Variants in DNAH11 observed in about 807,000 individuals in gnomAD.
The protein encoded by DNAH11 is dynein axonemal heavy chain 11, also known as axonemal beta dynein heavy chain 11.
DNAH11 carries 442 observed loss-of-function variants against 526.0 expected under a neutral mutation model. That is an observed-to-expected ratio of 0.84 (90% CI 0.78 to 0.91). The LOEUF is 0.91. Ranked by LOEUF, DNAH11 falls within the 40% of genes least tolerant of loss-of-function variation. DNAH11 has a pLI of 0.00. For synonymous variants in DNAH11, 2,461 were observed against 1,935.9 expected (o/e 1.27, Z -7.12); for missense variants, 6,989 against 5,448.7 (o/e 1.28, Z -8.90).
intron 35 of DNAH11, among the ~76,000 whole-genome samples, chr7:21,697,165 T>A (rs1018159017): frequency 2.0e-5 from 3 of 152,194 alleles, no homozygotes; most frequent in Admixed American, 2.0e-4. Context: ...TTAAGAAGTC[T>A]AAAATAATGA....
At chr7:21,881,220 G>C (rs138461071) in intron 75 of DNAH11, among the ~76,000 whole-genome samples, 1 of 152,258 alleles carries the variant, frequency 6.6e-6, no homozygotes, top group East Asian at 1.9e-4. Flanking sequence ...TGAAGCATTT[G>C]CACAAATGTA....
chr7:21,601,965 T>C (rs988802992), intron 18 of DNAH11, among the ~76,000 whole-genome samples: 1 of 152,082 alleles, frequency 6.6e-6, no homozygotes, highest in Non-Finnish European at 1.5e-5. Context: ...AATATATCCA[T>C]ACTTTTTTTT....
At chr7:21,733,998 AAACT>A (rs1785498457) in intron 45 of DNAH11, among the ~76,000 whole-genome samples, 1 of 152,192 alleles carries the variant, frequency 6.6e-6, no homozygotes, top group South Asian at 2.1e-4. Context: ...AATCCTGAGC[AAACT>A]AACAAGAGTT....
intron 5 of DNAH11, among the ~76,000 whole-genome samples, chr7:21,562,287 A>G (rs1036624853): frequency 4.6e-5 from 7 of 152,186 alleles, no homozygotes; most frequent in Admixed American, 3.3e-4. Context: ...TGCTGGCTCC[A>G]TCCCTGTTGT....
chr7:21,714,686 T>A (rs1784585532), intron 42 of DNAH11, among the ~76,000 whole-genome samples: 2 of 152,216 alleles, frequency 1.3e-5, no homozygotes, highest in South Asian at 4.1e-4. Context: ...ATAGAAAAGT[T>A]GGAAAGGTAG....
chr7:21,727,707 G>T (rs946518250), intron 45 of DNAH11, among the ~76,000 whole-genome samples: 1 of 152,162 alleles, frequency 6.6e-6, no homozygotes, highest in Admixed American at 6.5e-5. Context: ...GGTGATTTCT[G>T]TGGCATTTAT....
At position 21,600,092 on chromosome 7, in the gene DNAH11, A is replaced by G. The variant is rs374576335; in HGVS notation, c.2973A>G (p.Ala991=). 30 of 1,559,594 alleles carry G rather than the reference A, an allele frequency of 1.9e-5. No homozygotes were observed. The African/African-American group carries it at 4.0e-4, about 21-fold the overall frequency. Reference sequence around the variant, plus strand: ...TGTCTGCCCAGATGAACCGAATAGCAACACACCTGGAAATTAAAAATTATC... The same window carrying G: ...TGTCTGCCCAGATGAACCGAATAGCGACACACCTGGAAATTAAAAATTATC... ...FRMSAQMNRI[A]THLEIKNYQN... is the part of the protein sequence containing the mutation. The change falls in exon 15 of 82, where the codon GCA becomes GCG. Residue 991 remains alanine, a synonymous_variant. Coordinates refer to ENST00000409508, the MANE Select transcript of DNAH11 (RefSeq NM_001277115.2).
chr7:21,770,705 GA>G (rs1787401766), intron 55 of DNAH11, among the ~76,000 whole-genome samples: 1 of 152,178 alleles, frequency 6.6e-6, no homozygotes, highest in African/African-American at 2.4e-5. Flanking sequence ...AGCAGTAAAA[GA>G]AGAAAGGAAA....
chr7:21,724,757 T>C (rs193265866), intron 44 of DNAH11, among the ~76,000 whole-genome samples: 1 of 151,056 alleles, frequency 6.6e-6, no homozygotes, highest in Non-Finnish European at 1.5e-5. Context: ...CTGGGCCAGG[T>C]CATCCTATGA....
intron 34 of DNAH11, among the ~76,000 whole-genome samples, chr7:21,690,174 T>C (rs1276280865): frequency 2.6e-5 from 4 of 152,198 alleles, no homozygotes. Context: ...TTATTTTTAC[T>C]AGATGAGGGA....
intron 54 of DNAH11, among the ~76,000 whole-genome samples, chr7:21,761,817 A>G (rs1457873730): frequency 6.6e-6 from 1 of 152,206 alleles, no homozygotes; most frequent in East Asian, 1.9e-4. Flanking sequence ...GAAAAGAATA[A>G]TGGTTCTCTA....
intron 55 of DNAH11, among the ~76,000 whole-genome samples, chr7:21,766,731 A>G (rs1407772327): frequency 2.0e-5 from 3 of 149,680 alleles, no homozygotes; most frequent in Non-Finnish European, 3.0e-5. Context: ...AAAAGCAGCT[A>G]TAGAGGTAAG....
intron 63 of DNAH11, among the ~76,000 whole-genome samples, chr7:21,811,630 T>C (rs959746923): frequency 2.0e-5 from 3 of 152,164 alleles, no homozygotes; most frequent in African/African-American, 7.2e-5. Flanking sequence ...GAAAAAGTTC[T>C]GGAGCTAGAT....
chr7:21,588,300 A>G, intron 10 of DNAH11, 99 bp downstream of exon 10: 1 of 1,428,216 alleles, frequency 7.0e-7, no homozygotes, highest in Non-Finnish European at 9.4e-7. Flanking sequence ...GATTAGATAT[A>G]GGCACTACAT....
chr7:21,792,134 G>T (rs1419583084), intron 61 of DNAH11, among the ~76,000 whole-genome samples: 1 of 152,122 alleles, frequency 6.6e-6, no homozygotes, highest in Non-Finnish European at 1.5e-5. Context: ...AAGGGGTATT[G>T]AATTTTGTTG....
chr7:21,798,771 G>A (rs1043565662), intron 61 of DNAH11, among the ~76,000 whole-genome samples: 3 of 152,154 alleles, frequency 2.0e-5, no homozygotes, highest in African/African-American at 7.2e-5. Context: ...GCAATAGCAG[G>A]TATAAGAATC....
At chr7:21,726,892 G>A (rs1317833942) in intron 45 of DNAH11, among the ~76,000 whole-genome samples, 147 of 93,842 alleles carry the variant, frequency 1.6e-3, no homozygotes, top group African/African-American at 4.4e-3. Context: ...AAAAAAAAAA[G>A]AATGCTTAGT....
intron 25 of DNAH11, among the ~76,000 whole-genome samples, chr7:21,631,604 C>T (rs752603049): frequency 6.6e-6 from 1 of 152,194 alleles, no homozygotes; most frequent in Non-Finnish European, 1.5e-5. Flanking sequence ...TGAAATCCAG[C>T]GGGGCAGTCA....
intron 28 of DNAH11, among the ~76,000 whole-genome samples, chr7:21,643,964 C>G (rs900388492): frequency 1.3e-5 from 2 of 152,108 alleles, no homozygotes; most frequent in Admixed American, 1.3e-4. Flanking sequence ...GAAATTGAAG[C>G]CACAATGCAT....
Sources: allele counts gnomAD v4.1 joint callset (sites outside exome capture counted in the v4.1 genomes callset), GRCh38; gene constraint gnomAD v4.1.1; transcripts MANE v1.5; gene names NCBI Gene and HGNC (gene_info 2026-07-23, HGNC 2026-07-21).